The following MAGI2 variants were observed in gnomAD, a reference collection of about 807,000 sequenced individuals.
The protein encoded by MAGI2 is membrane-associated guanylate kinase, WW and PDZ domain-containing protein 2.
In MAGI2, 35 loss-of-function variants were observed where a neutral mutation model predicts 133.3. That is an observed-to-expected ratio of 0.26 (90% CI 0.20 to 0.35). The LOEUF (loss-of-function observed/expected upper bound fraction) is 0.35, where lower values mean the gene tolerates loss of function less well. MAGI2 is among the 10% of genes least tolerant of loss of function. The pLI is 1.00. For synonymous variants in MAGI2, 729 were observed against 710.6 expected, an observed-to-expected ratio of 1.03 and a Z score of -0.41; for missense variants, 1,636 against 1,863.4, an observed-to-expected ratio of 0.88 and a Z score of 2.25.
At chr7:78,178,149 C>A (rs1330871378) in intron 13 of MAGI2, 47 bp from the exon 14 acceptor site, 6 of 1,235,534 alleles carry the variant, frequency 4.9e-6, no homozygotes, top group African/African-American at 3.0e-5. Context: ...GCCTCTTTCC[C>A]AGCCCCTGAG....
Position 78,407,060 on chromosome 7 carries a change from A to T in MAGI2, c.1046-37847T>A, listed in dbSNP as rs187046689. Among the ~76,000 whole-genome samples, 6 of 152,254 alleles carry T rather than the reference A, an allele frequency of 3.9e-5. No homozygotes were observed. In the East Asian group the frequency reaches 1.2e-3, roughly 29 times the overall value. On this transcript the variant is annotated intron_variant, in intron 6 of 21. Transcript: ENST00000354212. The stretch of plus-strand genomic sequence containing the variant: ...TCAGATCCAGAAATATGTGTTTTAT[A>T]CATTGATTTTACAAACACACTTTCA...
chr7:78,685,061 G>A (rs141855224), intron 2 of MAGI2, among the ~76,000 whole-genome samples: 1 of 152,296 alleles, frequency 6.6e-6, no homozygotes, highest in East Asian at 1.9e-4. Context: ...TATTTTATTT[G>A]TGGGCTGGAT....
intron 2 of MAGI2, among the ~76,000 whole-genome samples, chr7:78,859,365 C>T (rs977169142): frequency 2.0e-5 from 3 of 152,076 alleles, no homozygotes; most frequent in Non-Finnish European, 2.9e-5. Flanking sequence ...CATGTTGTTG[C>T]AGTGGCTGGT....
At chr7:78,366,340 G>A (rs116066101) in intron 7 of MAGI2, among the ~76,000 whole-genome samples, 3,137 of 151,926 alleles carry the variant, frequency 0.021, 115 homozygotes, top group African/African-American at 0.073. Flanking sequence ...TACATATACC[G>A]AAAATGTGGA....
chr7:79,348,466 A>T (rs146501094), intron 1 of MAGI2, among the ~76,000 whole-genome samples: 1 of 151,936 alleles, frequency 6.6e-6, no homozygotes, highest in African/African-American at 2.4e-5. Context: ...AGTCAGCAAC[A>T]TGGTAGGACA....
rs10672746 is a variant in MAGI2, at chr7:78,765,343, C to CTTTTTTTTTT, written c.419-138114_419-138105dup. Among the ~76,000 whole-genome samples the CTTTTTTTTTT allele has an allele frequency of 2.5e-4, 22 of 89,056 alleles. 2 individuals are homozygous for CTTTTTTTTTT. The highest frequency in any genetic ancestry group is 7.0e-4 in the African/African-American group (15 of 21,450). The allele number at this position is 89,056 out of a possible 152,430, so 58.4% of individuals were successfully genotyped here. A position where few individuals can be genotyped will look rare whatever the true frequency, so the allele number is the denominator to read the frequency against. ...CATTTAACAAATGTTTAGTGCACAT[C>CTTTTTTTTTT]TTTTTTTTTTTTTTTTTTTTTTGAG... On this transcript the variant is annotated intron_variant, in intron 2 of 21. Transcript: ENST00000354212.
intron 1 of MAGI2, among the ~76,000 whole-genome samples, chr7:79,209,633 A>G (rs1829336326): frequency 6.6e-6 from 1 of 152,000 alleles, no homozygotes. Flanking sequence ...AAGGTTTATC[A>G]AGTCCCATGT....
chr7:79,231,481 T>C (rs1258972709), intron 1 of MAGI2, among the ~76,000 whole-genome samples: 1 of 77,586 alleles, frequency 1.3e-5, no homozygotes, highest in Non-Finnish European at 3.2e-5. Flanking sequence ...AGCAGTGGTT[T>C]GTAGTTCTCC....
rs368010231 is a variant in MAGI2, at chr7:78,507,951, G to T, written c.755-6164C>A. On this transcript the variant is annotated intron_variant, in intron 4 of 21. Transcript: ENST00000354212. ...ATATTTATTGTCTTACATTCAGGAG[G>T]TTAAAGTCCTATATCAAGGCGTTGG... 6.8e-4 allele frequency among the ~76,000 whole-genome samples: 104 copies of T among 152,302 alleles called. 1 individual carries two copies. The South Asian group carries it at 0.015, about 22-fold the overall frequency.
intron 10 of MAGI2, among the ~76,000 whole-genome samples, chr7:78,226,210 C>T (rs1393273078): frequency 6.6e-6 from 1 of 152,016 alleles, no homozygotes; most frequent in Non-Finnish European, 1.5e-5. Context: ...AGTCAATATG[C>T]CACCCTCACA....
chr7:78,868,989 G>C (rs1219766793), intron 2 of MAGI2, among the ~76,000 whole-genome samples: 1 of 152,180 alleles, frequency 6.6e-6, no homozygotes, highest in African/African-American at 2.4e-5. Context: ...TTCTGACCTT[G>C]TGATCCGCCC....
intron 7 of MAGI2, chr7:78,351,758 G>C (rs1299459126): frequency 1.3e-5 from 2 of 151,928 alleles, no homozygotes; most frequent in Non-Finnish European, 2.9e-5. Flanking sequence ...TATGAGCCTT[G>C]GGAAGACTTC....
intron 2 of MAGI2, among the ~76,000 whole-genome samples, chr7:78,867,946 G>C (rs1467613960): frequency 1.3e-4 from 20 of 151,904 alleles, no homozygotes; most frequent in Non-Finnish European, 2.9e-5. Context: ...CACAGCAGGA[G>C]TGATAATAAG....
At chr7:79,297,857 T>C (rs1264462715) in intron 1 of MAGI2, among the ~76,000 whole-genome samples, 1 of 152,226 alleles carries the variant, frequency 6.6e-6, no homozygotes, top group Non-Finnish European at 1.5e-5. Flanking sequence ...AGCACAGCTT[T>C]GACTTAACTT....
intron 7 of MAGI2, among the ~76,000 whole-genome samples, chr7:78,362,911 T>G (rs1343792129): frequency 6.6e-6 from 1 of 152,244 alleles, no homozygotes; most frequent in Non-Finnish European, 1.5e-5. Flanking sequence ...ATCAGTCATA[T>G]TCCCTTAGAA....
rs76032941 is a variant in MAGI2, at chr7:78,566,208, G to A, written c.539-44563C>T. Among the ~76,000 whole-genome samples the A allele has an allele frequency of 1.3e-3, 198 of 152,170 alleles. 1 individual carries two copies. Among genetic ancestry groups the A allele is most frequent in the African/African-American group, 4.5e-3 (188 of 41,510 alleles). On this transcript the variant is annotated intron_variant, in intron 3 of 21. Transcript: ENST00000354212. Reference sequence around the variant, plus strand: ...GCATGGAGTTGGGAAAGCTGAGAGCGTGCTCAGGAAATGGGAAGAGGGAAA... The same window carrying A: ...GCATGGAGTTGGGAAAGCTGAGAGCATGCTCAGGAAATGGGAAGAGGGAAA...
rs190035515 is a variant in MAGI2 at position 78,842,618 on chromosome 7, A to C, written c.418+164472T>G. On this transcript the variant is annotated intron_variant, in intron 2 of 21. Coordinates refer to ENST00000354212, the MANE Select transcript of MAGI2 (RefSeq NM_012301.4). Reference sequence around the variant, plus strand: ...AGTAAATACATCAGAATAGTCTGTCAATATAATTTACATATAAAATCTCTA... The same window carrying C: ...AGTAAATACATCAGAATAGTCTGTCCATATAATTTACATATAAAATCTCTA... 5.5e-4 allele frequency among the ~76,000 whole-genome samples: 83 copies of C among 152,124 alleles called. 1 individual carries two copies. Among genetic ancestry groups the C allele is most frequent in the Non-Finnish European group, 8.8e-4 (60 of 67,940 alleles).
chr7:79,392,592 C>A (rs941005290), intron 1 of MAGI2, among the ~76,000 whole-genome samples: 6 of 152,120 alleles, frequency 3.9e-5, no homozygotes, highest in Admixed American at 2.0e-4. Context: ...TTTTGATTTG[C>A]ATTTCTCTAA....
chr7:78,095,174 C>T (rs1817581686), intron 20 of MAGI2, among the ~76,000 whole-genome samples: 1 of 152,186 alleles, frequency 6.6e-6, no homozygotes, highest in African/African-American at 2.4e-5. Context: ...AGATTTCTGA[C>T]CTCAGAGAAT....
Sources: allele counts gnomAD v4.1 joint callset (sites outside exome capture counted in the v4.1 genomes callset), GRCh38; gene constraint gnomAD v4.1.1; transcripts MANE v1.5; gene names NCBI Gene and HGNC (gene_info 2026-07-23, HGNC 2026-07-21).